SLC16A12: variants seen among roughly 807,000 people sequenced by gnomAD.
The protein encoded by SLC16A12 is monocarboxylate transporter 12.
Under a neutral mutation model 42.4 loss-of-function variants are expected in SLC16A12, and 17 were observed. The ratio of observed to expected loss-of-function variants is 0.40; its 90% CI spans 0.27 to 0.60. The LOEUF is 0.60. Ranked by LOEUF, SLC16A12 falls within the 20% of genes least tolerant of loss-of-function variation. The probability of loss-of-function intolerance (pLI) is 0.42; values close to 1 mark genes in which losing one functional copy is unlikely to be tolerated. For synonymous variants in SLC16A12, 224 were observed against 229.4 expected (o/e 0.98, Z 0.21); for missense variants, 544 against 623.0 (o/e 0.87, Z 1.35).
At chr10:89,508,914 T>C (rs952470179) in intron 2 of SLC16A12, among the ~76,000 whole-genome samples, 2 of 151,980 alleles carry the variant, frequency 1.3e-5, no homozygotes, top group Admixed American at 1.3e-4. Context: ...CCAATTTCTG[T>C]GTATTGTCAT....
chr10:89,513,214 T>A, intron 2 of SLC16A12, among the ~76,000 whole-genome samples: 1 of 152,202 alleles, frequency 6.6e-6, no homozygotes, highest in Non-Finnish European at 1.5e-5. Flanking sequence ...TCTATATTGC[T>A]CTTTTCACAT....
chr10:89,446,079 C>G (rs1841995642), intron 3 of SLC16A12, among the ~76,000 whole-genome samples: 1 of 152,094 alleles, frequency 6.6e-6, no homozygotes, highest in African/African-American at 2.4e-5. Flanking sequence ...AAGAAATGAA[C>G]AAAGCCTCCA....
intron 3 of SLC16A12, among the ~76,000 whole-genome samples, chr10:89,452,217 G>A (rs923283353): frequency 2.6e-5 from 4 of 152,182 alleles, no homozygotes; most frequent in African/African-American, 9.7e-5. Context: ...GGAGAATGTC[G>A]ATAGGATGTG....
At chr10:89,530,483 T>A (rs977516039) in intron 2 of SLC16A12, among the ~76,000 whole-genome samples, 13 of 151,882 alleles carry the variant, frequency 8.6e-5, no homozygotes, top group Non-Finnish European at 1.6e-4. Context: ...AGTGGCGGGA[T>A]CTTGGCTCAC....
chr10:89,553,098 G>T (rs1037626198), intron 2 of SLC16A12, among the ~76,000 whole-genome samples: 1 of 152,036 alleles, frequency 6.6e-6, no homozygotes, highest in Non-Finnish European at 1.5e-5. Context: ...CACCACACCC[G>T]CATGCCTATT....
In SLC16A12 at chr10:89,431,502, A is replaced by C. The variant is rs1269379568; in HGVS notation, c.*1562T>G. On this transcript the variant is annotated 3_prime_UTR_variant, in exon 8 of 8. Coordinates refer to ENST00000371790, the MANE Select transcript of SLC16A12 (RefSeq NM_213606.4). ...TGATTTTATGAAATAATCAAGGTAT[A>C]GGCAAGCTCTCTTGCGGAGCATACA... 2.6e-5 allele frequency: 4 copies of C among 152,254 alleles called. No individual in the cohort carries two copies. Among genetic ancestry groups the C allele is most frequent in the Non-Finnish European group, 5.9e-5 (4 of 68,050 alleles). The allele number at this position is 152,254 out of a possible 1,614,324, so 9.4% of individuals were successfully genotyped here.
chr10:89,535,280 C>G (rs1589734298), intron 1 of SLC16A12, among the ~76,000 whole-genome samples, 162 bp downstream of exon 1: 1 of 152,174 alleles, frequency 6.6e-6, no homozygotes, highest in East Asian at 1.9e-4. Flanking sequence ...CCCTCCCAAC[C>G]CAAGCTGCGC....
chr10:89,536,227 A>G (rs1236805555), upstream of SLC16A12, among the ~76,000 whole-genome samples: 1 of 152,200 alleles, frequency 6.6e-6, no homozygotes, highest in African/African-American at 2.4e-5. Flanking sequence ...GAGAAAAAAT[A>G]CAAGGCCTCC....
At chr10:89,509,320 C>T (rs139500483) in intron 2 of SLC16A12, among the ~76,000 whole-genome samples, 454 of 152,212 alleles carry the variant, frequency 3.0e-3, no homozygotes, top group African/African-American at 0.011. Context: ...ATATCCCTGA[C>T]GAACATCAAC....
rs1275143100 is a variant in SLC16A12 at position 89,433,293 on chromosome 10, G to A, written c.1322C>T (p.Ala441Val). 1.9e-6 allele frequency: 3 copies of A among 1,614,112 alleles called. No individual in the cohort carries two copies. In the East Asian group the frequency reaches 6.7e-5, roughly 36 times the overall value. Residue 441 changes from alanine to valine, a missense_variant, in exon 8 of 8, where the codon GCA (alanine) becomes GTA (valine). Coordinates refer to ENST00000371790, the MANE Select transcript of SLC16A12 (RefSeq NM_213606.4). Reference sequence around the variant, plus strand: ...TGAAAATCCACAGAGGAGGAATGCTGCAGTGTAGCTGCCGGTGGTATCTAC... The same window carrying A: ...TGAAAATCCACAGAGGAGGAATGCTACAGTGTAGCTGCCGGTGGTATCTAC... ...RLVDTTGSYT[A>V]AFLLCGFSMI...
chr10:89,463,007 C>T, intron 2 of SLC16A12: 1 of 174,984 alleles, frequency 5.7e-6, no homozygotes, highest in South Asian at 1.4e-4. Flanking sequence ...TTCCAACAGA[C>T]TGGAAGATGG....
intron 2 of SLC16A12, among the ~76,000 whole-genome samples, chr10:89,488,281 G>GT (rs966648942): frequency 6.6e-6 from 1 of 151,880 alleles, no homozygotes; most frequent in African/African-American, 2.4e-5. Flanking sequence ...CATAAGGAAG[G>GT]TTTTTTGAGG....
intron 2 of SLC16A12, among the ~76,000 whole-genome samples, chr10:89,465,106 CA>C: frequency 6.6e-6 from 1 of 152,270 alleles, no homozygotes; most frequent in East Asian, 1.9e-4. Flanking sequence ...CTGCTATTTA[CA>C]AAACACTTGC....
At chr10:89,433,601 T>C (rs981184463) in intron 7 of SLC16A12, among the ~76,000 whole-genome samples, 3 of 152,234 alleles carry the variant, frequency 2.0e-5, no homozygotes, top group African/African-American at 2.4e-5. Context: ...TTAGTTACTA[T>C]TAACCCCATG....
chr10:89,514,745 A>G (rs531753139), intron 2 of SLC16A12, among the ~76,000 whole-genome samples: 1 of 152,310 alleles, frequency 6.6e-6, no homozygotes, highest in South Asian at 2.1e-4. Context: ...CTGGGTTGAC[A>G]TGACCCATCA....
chr10:89,486,495 G>C (rs1842742300), intron 2 of SLC16A12, among the ~76,000 whole-genome samples: 1 of 151,280 alleles, frequency 6.6e-6, no homozygotes, highest in Non-Finnish European at 1.5e-5. Context: ...AGGAGACTGA[G>C]GTCGGAGGAT....
chr10:89,441,401 G>A (rs1841909199), intron 4 of SLC16A12, 150 bp from the exon 5 acceptor site: 1 of 950,016 alleles, frequency 1.1e-6, no homozygotes, highest in Non-Finnish European at 1.6e-6. Flanking sequence ...CCAGAGAAAG[G>A]AAGTGATTGT....
Position 89,438,620 on chromosome 10 carries a change from A to G in SLC16A12, c.1012T>C (p.Trp338Arg). 6.2e-7 allele frequency: 1 copy of G among 1,613,876 alleles called. No homozygotes were observed. Among genetic ancestry groups the G allele is most frequent in the South Asian group, 1.1e-5 (1 of 91,034 alleles). Residue 338 changes from tryptophan (W) to arginine (R), a missense_variant, in exon 6 of 8, where the codon TGG (tryptophan) becomes CGG (arginine). By Grantham distance (101) the Trp-to-Arg change is moderately radical. Coordinates refer to ENST00000371790, the MANE Select transcript of SLC16A12 (RefSeq NM_213606.4). ...IDIIGNITFG[W>R]LTDRRCLKNY... The stretch of plus-strand genomic sequence containing the variant: ...GAATTTTACCTTCTGTCGGTCAGCC[A>G]TCCAAATGTGATATTGCCAATAATG...
intron 3 of SLC16A12, among the ~76,000 whole-genome samples, chr10:89,453,603 G>A (rs1440550507): frequency 6.6e-6 from 1 of 152,174 alleles, no homozygotes; most frequent in East Asian, 1.9e-4. Context: ...AGGAGCAATA[G>A]GTTATACGAC....
Sources: gnomAD v4.1 joint callset for allele counts (sites outside exome capture counted in the v4.1 genomes callset) on GRCh38, gnomAD v4.1.1 for gene constraint, MANE v1.5 for transcripts, NCBI Gene and HGNC (gene_info 2026-07-23, HGNC 2026-07-21) for gene names.